The following RBFOX1 variants were observed in gnomAD, a reference collection of about 807,000 sequenced individuals.
The protein encoded by RBFOX1 is RNA binding protein fox-1 homolog 1.
In RBFOX1, 8 loss-of-function variants were observed where a neutral mutation model predicts 57.7. That is an observed-to-expected ratio of 0.14 (90% CI 0.08 to 0.25). The LOEUF is 0.25. Among genes scored for constraint, RBFOX1 ranks in the 10% least tolerant of loss-of-function variants. RBFOX1 has a pLI of 1.00. For missense variants in RBFOX1, 611 were observed against 548.5 expected (o/e 1.11, Z -1.14); for synonymous variants, 326 against 222.4 (o/e 1.47, Z -4.15).
chr16:6,639,403 C>A lies in RBFOX1; in HGVS notation c.-63-15200C>A, dbSNP rs140721485. Among the ~76,000 whole-genome samples, 568 of 152,238 alleles carry A rather than the reference C, an allele frequency of 3.7e-3. 1 individual carries two copies. The highest frequency in any genetic ancestry group is 0.012 in the African/African-American group (516 of 41,548). ...CTATCAGCTTCCCTTCCCAGGAGAA[C>A]GTGTCCTGTTAGAAATTGCATCTTT... On this transcript the variant is annotated intron_variant, in intron 2 of 15. Transcript: ENST00000550418.
intron 3 of RBFOX1, among the ~76,000 whole-genome samples, chr16:5,820,797 A>G (rs2055821656): frequency 6.6e-6 from 1 of 152,108 alleles, no homozygotes; most frequent in East Asian, 1.9e-4. Context: ...AGACAGTTAG[A>G]CAAGCCAGTC....
intron 1 of RBFOX1, among the ~76,000 whole-genome samples, chr16:5,353,223 C>T (rs1356996854): frequency 6.6e-6 from 1 of 151,768 alleles, no homozygotes; most frequent in African/African-American, 2.4e-5. Context: ...AAAATAAATA[C>T]AAAAATTAGC....
At chr16:6,350,019 A>C (rs1339321177) in intron 2 of RBFOX1, among the ~76,000 whole-genome samples, 1 of 152,144 alleles carries the variant, frequency 6.6e-6, no homozygotes, top group African/African-American at 2.4e-5. Flanking sequence ...ACTATTAATT[A>C]CTTTGGTACG....
Position 6,769,885 on chromosome 16 carries a change from T to C in RBFOX1, c.-16+115235T>C, listed in dbSNP as rs575711730. 6.6e-5 allele frequency among the ~76,000 whole-genome samples: 10 copies of C among 152,330 alleles called. No individual in the cohort carries two copies. The South Asian group carries it at 1.9e-3, about 28-fold the overall frequency. ...ATGATTTGTTTGGAGCGATTTGAAA[T>C]CAAAGTTCAGATTTATTTCTCATAA... On this transcript the variant is annotated intron_variant, in intron 3 of 15. Transcript: ENST00000550418.
intron 2 of RBFOX1, among the ~76,000 whole-genome samples, chr16:5,590,475 T>G (rs2046970532): frequency 6.6e-6 from 1 of 151,792 alleles, no homozygotes. Context: ...GGGCTGGGGG[T>G]GGTTTGATTC....
chr16:7,094,752 G>GTGTGTGTGTT (rs2061408449), intron 4 of RBFOX1, among the ~76,000 whole-genome samples: 1 of 127,276 alleles, frequency 7.9e-6, no homozygotes, highest in Non-Finnish European at 1.7e-5. Context: ...AGCTGTGTGT[G>GTGTGTGTGTT]TGTGTGTGTG....
chr16:5,269,237 C>A (rs2062941588), intron 1 of RBFOX1, among the ~76,000 whole-genome samples: 1 of 152,218 alleles, frequency 6.6e-6, no homozygotes, highest in Non-Finnish European at 1.5e-5. Flanking sequence ...ATCTTCAATT[C>A]CAGCCATCCT....
At chr16:6,396,051 GCAAGA>G (rs1262315813) in intron 2 of RBFOX1, among the ~76,000 whole-genome samples, 1 of 110,252 alleles carries the variant, frequency 9.1e-6, no homozygotes, top group Non-Finnish European at 1.7e-5. Flanking sequence ...GGGTGACAGA[GCAAGA>G]CTCCTTCTCA....
At chr16:7,068,752 TA>T (rs2153770652) in intron 4 of RBFOX1, among the ~76,000 whole-genome samples, 1 of 152,204 alleles carries the variant, frequency 6.6e-6, no homozygotes, top group East Asian at 1.9e-4. Context: ...CACACCCAGC[TA>T]ATTTTTTGTA....
chr16:7,022,630 C>T (rs990281081), intron 3 of RBFOX1, among the ~76,000 whole-genome samples: 2 of 152,008 alleles, frequency 1.3e-5, no homozygotes, highest in South Asian at 4.1e-4. Flanking sequence ...CTGCAGTAGG[C>T]TCTGGATATA....
At chr16:5,804,090 C>T (rs553901596) in intron 3 of RBFOX1, among the ~76,000 whole-genome samples, 1 of 152,330 alleles carries the variant, frequency 6.6e-6, no homozygotes, top group East Asian at 1.9e-4. Flanking sequence ...AAGTACATGT[C>T]TGCCTCCCTC....
intron 3 of RBFOX1, among the ~76,000 whole-genome samples, chr16:6,886,726 G>T (rs1263311933): frequency 6.7e-6 from 1 of 149,846 alleles, no homozygotes; most frequent in Non-Finnish European, 1.5e-5. Flanking sequence ...CCGCACTCCA[G>T]CGTGGGCAAG....
intron 1 of RBFOX1, among the ~76,000 whole-genome samples, chr16:6,221,556 G>A (rs2097373453): frequency 6.6e-6 from 1 of 152,118 alleles, no homozygotes. Flanking sequence ...CCTATCATTT[G>A]TTAATATGAT....
intron 4 of RBFOX1, among the ~76,000 whole-genome samples, chr16:7,310,121 G>A (rs2096275207): frequency 6.6e-6 from 1 of 152,182 alleles, no homozygotes; most frequent in African/African-American, 2.4e-5. Context: ...GCCCAGAAGA[G>A]CCCTGGCCCT....
At chr16:6,604,689 C>T (rs996114439) in intron 2 of RBFOX1, among the ~76,000 whole-genome samples, 1 of 152,162 alleles carries the variant, frequency 6.6e-6, no homozygotes, top group Non-Finnish European at 1.5e-5. Flanking sequence ...TTTTATTAAG[C>T]ATATACACAT....
chr16:6,947,722 A>C (rs941262129), intron 3 of RBFOX1, among the ~76,000 whole-genome samples: 5 of 152,094 alleles, frequency 3.3e-5, no homozygotes, highest in Non-Finnish European at 5.9e-5. Context: ...CTATTTATAA[A>C]CGTTTACTTA....
chr16:6,222,086 G>C (rs889074566), intron 1 of RBFOX1, among the ~76,000 whole-genome samples: 6 of 152,146 alleles, frequency 3.9e-5, no homozygotes, highest in Non-Finnish European at 8.8e-5. Context: ...TGAAAGATGA[G>C]TGACTGAAGA....
chr16:5,360,482 A>G (rs2065515757), intron 1 of RBFOX1, among the ~76,000 whole-genome samples: 2 of 152,228 alleles, frequency 1.3e-5, no homozygotes, highest in South Asian at 2.1e-4. Flanking sequence ...CTACATGCAC[A>G]GGTAATGGGA....
intron 3 of RBFOX1, among the ~76,000 whole-genome samples, chr16:6,882,573 G>C (rs2063170818): frequency 6.6e-6 from 1 of 152,088 alleles, no homozygotes; most frequent in South Asian, 2.1e-4. Flanking sequence ...TGCAGCCTCG[G>C]TGGCAGAGTT....
Sources: gnomAD v4.1 joint callset for allele counts (sites outside exome capture counted in the v4.1 genomes callset) on GRCh38, gnomAD v4.1.1 for gene constraint, MANE v1.5 for transcripts, NCBI Gene and HGNC (gene_info 2026-07-23, HGNC 2026-07-21) for gene names.